The following ZNF407 variants were observed in gnomAD, a reference collection of about 807,000 sequenced individuals.
The protein encoded by ZNF407 is zinc finger protein 407.
ZNF407 carries 17 observed loss-of-function variants against 131.2 expected under a neutral mutation model. That is an observed-to-expected ratio of 0.13 (90% CI 0.09 to 0.19). ZNF407 has a LOEUF of 0.19. ZNF407 is among the 10% of genes least tolerant of loss of function. The probability of loss-of-function intolerance (pLI) is 1.00; values close to 1 mark genes in which losing one functional copy is unlikely to be tolerated. For missense variants in ZNF407, 2,681 were observed against 2,830.6 expected (o/e 0.95, Z 1.20); for synonymous variants, 1,156 against 1,062.0 (o/e 1.09, Z -1.72).
rs529092935 is a variant in ZNF407 at position 74,936,603 on chromosome 18, G to A, written c.5428+15911G>A. Among the ~76,000 whole-genome samples, 45 of 152,268 alleles carry A rather than the reference G, an allele frequency of 3.0e-4. 1 individual carries two copies. Among genetic ancestry groups the A allele is most frequent in the African/African-American group, 1.1e-3 (45 of 41,554 alleles). ...CTCCGTAAGGGGAACTCAGGTGTAT[G>A]GCTAGTTCCTTCTCTTGCTAAGCCA... On this transcript the variant is annotated intron_variant, in intron 8 of 8. Transcript: ENST00000299687.
In ZNF407 at chr18:74,889,990, G is replaced by A; in HGVS notation, c.5201G>A (p.Arg1734His). The change falls in exon 7 of 9, where the codon CGT (arginine) becomes CAT (histidine). Residue 1734 changes from arginine (R) to histidine (H), a missense_variant. Arg to His is a conservative substitution (Grantham distance 29, BLOSUM62 0). This residue lies in a region of ZNF407 where 20 missense variants were observed against 56.4 expected (regional missense o/e 0.35). Coordinates refer to ENST00000299687, the MANE Select transcript of ZNF407 (RefSeq NM_017757.3). ...CAGTCCCATTTGACTCGGCATAAAC[G>A]TGTCCACACTGGAGAAAAGCCCTAC... ...TTQSHLTRHK[R>H]VHTGEKPYRC... The A allele has an allele frequency of 1.9e-6, 3 of 1,606,150 alleles. No homozygotes were observed. Among genetic ancestry groups the A allele is most frequent in the Non-Finnish European group, 2.6e-6 (3 of 1,176,076 alleles).
At chr18:74,642,628 A>G (rs1984775811) in intron 3 of ZNF407, among the ~76,000 whole-genome samples, 1 of 152,146 alleles carries the variant, frequency 6.6e-6, no homozygotes, top group Admixed American at 6.6e-5. Context: ...AAGAATACAC[A>G]ATTGATCGGC....
At chr18:74,981,350 G>A (rs1972591155) in intron 8 of ZNF407, among the ~76,000 whole-genome samples, 1 of 152,212 alleles carries the variant, frequency 6.6e-6, no homozygotes, top group Admixed American at 6.5e-5. Flanking sequence ...GCAGCTCCAG[G>A]CCTCAGTTGA....
At chr18:74,677,713 T>C (rs1173590179) in intron 3 of ZNF407, among the ~76,000 whole-genome samples, 2 of 152,200 alleles carry the variant, frequency 1.3e-5, no homozygotes, top group Non-Finnish European at 2.9e-5. Context: ...TTAAAATTGT[T>C]ATTTTAAAGT....
intron 4 of ZNF407, among the ~76,000 whole-genome samples, chr18:74,866,413 G>A (rs997683023): frequency 1.3e-5 from 2 of 152,120 alleles, no homozygotes; most frequent in South Asian, 2.1e-4. Context: ...CTAGAAGGCC[G>A]AGATGATGAC....
intron 8 of ZNF407, among the ~76,000 whole-genome samples, chr18:75,007,843 T>C (rs1020247475): frequency 1.3e-5 from 2 of 152,146 alleles, no homozygotes; most frequent in African/African-American, 2.4e-5. Flanking sequence ...GAAATTTACA[T>C]CAGCTGCTTT....
Position 75,012,401 on chromosome 18 carries a change from G to GTGCA in ZNF407, c.5429-50747_5429-50746insCATG, listed in dbSNP as rs1972989110. 1.5e-4 allele frequency among the ~76,000 whole-genome samples: 11 copies of GTGCA among 73,934 alleles called. 3 individuals carry two copies. Among genetic ancestry groups the GTGCA allele is most frequent in the African/African-American group, 4.4e-4 (9 of 20,640 alleles). The allele number at this position is 73,934 out of a possible 152,430, so 48.5% of individuals were successfully genotyped here. ...TGTACACATAGTGTATGTACACATA[G>GTGCA]TGTACGTACACATAGTGTATAGCAG... On this transcript the variant is annotated intron_variant, in intron 8 of 8. Transcript: ENST00000299687.
At chr18:74,909,622 G>A (rs1267183846) in intron 7 of ZNF407, among the ~76,000 whole-genome samples, 2 of 152,120 alleles carry the variant, frequency 1.3e-5, no homozygotes, top group Admixed American at 6.5e-5. Flanking sequence ...GCAGTCTGCT[G>A]TATTGCCCCT....
intron 4 of ZNF407, among the ~76,000 whole-genome samples, chr18:74,847,925 T>TA (rs887008386): frequency 6.6e-6 from 1 of 152,174 alleles, no homozygotes; most frequent in Non-Finnish European, 1.5e-5. Flanking sequence ...TCATCCAAGA[T>TA]ACACCTTTTT....
chr18:74,894,493 A>G (rs1424919597), intron 7 of ZNF407, among the ~76,000 whole-genome samples: 1 of 152,142 alleles, frequency 6.6e-6, no homozygotes, highest in African/African-American at 2.4e-5. Context: ...TAAAATTCCT[A>G]CTTTCCAAAA....
chr18:74,772,902 A>G (rs1043319094), intron 3 of ZNF407, among the ~76,000 whole-genome samples: 3 of 152,206 alleles, frequency 2.0e-5, no homozygotes, highest in Admixed American at 1.3e-4. Flanking sequence ...GCAAAAAATT[A>G]TGAAGAAACA....
intron 4 of ZNF407, among the ~76,000 whole-genome samples, chr18:74,834,277 A>C (rs1181779730): frequency 6.6e-6 from 1 of 152,216 alleles, no homozygotes. Flanking sequence ...TGTTCAGTTT[A>C]GGGGAAAAAA....
intron 3 of ZNF407, among the ~76,000 whole-genome samples, chr18:74,724,625 G>C (rs539250128): frequency 1.3e-5 from 2 of 151,958 alleles, no homozygotes; most frequent in African/African-American, 2.4e-5. Context: ...ATCTGCTTTT[G>C]CACTACATTA....
chr18:74,726,031 T>C (rs1968149571), intron 3 of ZNF407, among the ~76,000 whole-genome samples: 1 of 152,160 alleles, frequency 6.6e-6, no homozygotes, highest in Admixed American at 6.5e-5. Flanking sequence ...TGTAGACACA[T>C]TGTGCCCAGC....
At chr18:75,046,041 A>G (rs555942737) in intron 8 of ZNF407, among the ~76,000 whole-genome samples, 2 of 152,320 alleles carry the variant, frequency 1.3e-5, no homozygotes, top group South Asian at 4.1e-4. Context: ...TTTCCATTCA[A>G]ATGATCCGAA....
chr18:74,759,495 G>A (rs1969042991), intron 3 of ZNF407, among the ~76,000 whole-genome samples: 2 of 151,480 alleles, frequency 1.3e-5, no homozygotes, highest in Admixed American at 1.3e-4. Flanking sequence ...ATTTCTTATT[G>A]TTTCCTGGTC....
rs1967549225 is a variant in ZNF407, at chr18:74,703,492, G to C, written c.4802+62370G>C. Among the ~76,000 whole-genome samples the C allele has an allele frequency of 6.6e-6, 1 of 152,238 alleles. No individual in the cohort carries two copies. The highest frequency in any genetic ancestry group is 2.1e-4 in the South Asian group (1 of 4,830). On this transcript the variant is annotated intron_variant, in intron 3 of 8. Coordinates refer to ENST00000299687, the MANE Select transcript of ZNF407 (RefSeq NM_017757.3). This position sits in a 1 kb window ranked among gnomAD's most constrained non-coding sequence, Gnocchi z 4.1. ...AGCAGTTCTCCTGCCTCAGCCTCCA[G>C]AGTAGCTGGGATTACAGGTATACAC...
At chr18:74,890,994 C>T (rs1971376725) in intron 7 of ZNF407, among the ~76,000 whole-genome samples, 1 of 152,230 alleles carries the variant, frequency 6.6e-6, no homozygotes, top group African/African-American at 2.4e-5. Context: ...TGAGTGATGT[C>T]TGCCAGGTAG....
intron 4 of ZNF407, among the ~76,000 whole-genome samples, chr18:74,828,130 A>G (rs1478287442): frequency 6.6e-6 from 1 of 151,886 alleles, no homozygotes; most frequent in Non-Finnish European, 1.5e-5. Flanking sequence ...CGGCCTGTTC[A>G]GGTTGGCTTT....
Sources: gnomAD v4.1 joint callset for allele counts (sites outside exome capture counted in the v4.1 genomes callset) on GRCh38, gnomAD v4.1.1 for gene constraint, gnomAD v4.1.1 regional missense constraint, Gnocchi (gnomAD v3.1) non-coding constraint, MANE v1.5 for transcripts, NCBI Gene and HGNC (gene_info 2026-07-23, HGNC 2026-07-21) for gene names.